Variants in DTD2 observed in about 807,000 individuals in gnomAD.
The protein encoded by DTD2 is D-aminoacyl-tRNA deacylase 2, also known as D-tyrosyl-tRNA deacylase 2 (putative).
In DTD2, 12 loss-of-function variants were observed where a neutral mutation model predicts 15.5. The observed-to-expected ratio is 0.77, with a 90% confidence interval of 0.50 to 1.25. DTD2 has a LOEUF of 1.25. Ranked by LOEUF, DTD2 falls within the 50% of genes most tolerant of loss-of-function variation. DTD2 has a pLI of 0.00. For missense variants in DTD2, 170 were observed against 201.1 expected, an observed-to-expected ratio of 0.85 and a Z score of 0.93; for synonymous variants, 59 against 77.3, an observed-to-expected ratio of 0.76 and a Z score of 1.24.
chr14:31,447,604 A>C lies in DTD2; in HGVS notation c.*525T>G, dbSNP rs561162696. Reference sequence around the variant, plus strand: ...GGGAGGCCGAGGTGGGCGGATCACGAGGTCAGGAGATCGAGACCATCCTGG... The same window carrying C: ...GGGAGGCCGAGGTGGGCGGATCACGCGGTCAGGAGATCGAGACCATCCTGG... On this transcript the variant is annotated 3_prime_UTR_variant, in exon 3 of 3. Coordinates refer to ENST00000310850, the MANE Select transcript of DTD2 (RefSeq NM_080664.3). The C allele has an allele frequency of 1.3e-5, 2 of 152,012 alleles. No homozygotes were observed. The highest frequency in any genetic ancestry group is 4.8e-5 in the African/African-American group (2 of 41,408). The allele number at this position is 152,012 out of a possible 1,614,324, so 9.4% of individuals were successfully genotyped here. A position where few individuals can be genotyped will look rare whatever the true frequency, so the allele number is the denominator to read the frequency against.
At chr14:31,449,651 T>C (rs182992128) in intron 2 of DTD2, among the ~76,000 whole-genome samples, 1 of 152,280 alleles carries the variant, frequency 6.6e-6, no homozygotes, top group East Asian at 1.9e-4. Context: ...AAGAAGTGTC[T>C]AATATAAATA....
rs1043015539 is a variant in DTD2, at chr14:31,447,988, G to T, written c.*141C>A. ...TGGCAAAGTCATCCAATTAGCAGGTGCAGAGTTATATATGAAACCCAAGAT... is the reference window on the plus strand; with the variant it reads ...TGGCAAAGTCATCCAATTAGCAGGTTCAGAGTTATATATGAAACCCAAGAT... On this transcript the variant is annotated 3_prime_UTR_variant, in exon 3 of 3. Coordinates refer to ENST00000310850, the MANE Select transcript of DTD2 (RefSeq NM_080664.3). 2 of 688,404 alleles carry T rather than the reference G, an allele frequency of 2.9e-6. No individual in the cohort carries two copies. Among genetic ancestry groups the T allele is most frequent in the Non-Finnish European group, 4.8e-6 (2 of 418,860 alleles). 42.6% of individuals were successfully genotyped at this position (688,404 alleles called of 1,614,324 possible).
At chr14:31,449,071 T>A (rs2031998812) in intron 2 of DTD2, among the ~76,000 whole-genome samples, 1 of 152,072 alleles carries the variant, frequency 6.6e-6, no homozygotes. Context: ...TTTTTTGTAT[T>A]TTTAGTAGAG....
intron 1 of DTD2, 66 bp downstream of exon 1, chr14:31,457,217 C>G (rs1187685060): frequency 7.0e-6 from 10 of 1,419,050 alleles, no homozygotes; most frequent in Non-Finnish European, 9.6e-6. Flanking sequence ...GACGAGTCAC[C>G]GAGACAACGC....
At chr14:31,455,080 C>T (rs776615662) in intron 1 of DTD2, among the ~76,000 whole-genome samples, 4 of 152,046 alleles carry the variant, frequency 2.6e-5, no homozygotes, top group Non-Finnish European at 5.9e-5. Flanking sequence ...AAAGGGAAAG[C>T]CTTTAAAATA....
chr14:31,449,650 C>CT (rs774221308), intron 2 of DTD2, among the ~76,000 whole-genome samples: 1 of 152,108 alleles, frequency 6.6e-6, no homozygotes, highest in Non-Finnish European at 1.5e-5. Flanking sequence ...AAAGAAGTGT[C>CT]TAATATAAAT....
Position 31,448,393 on chromosome 14 carries a change from C to A in DTD2, c.243G>T (p.Leu81Phe). Residue 81 changes from leucine to phenylalanine, a missense_variant, in exon 3 of 3, where the codon TTG (leucine) becomes TTT (phenylalanine). Coordinates refer to ENST00000310850, the MANE Select transcript of DTD2 (RefSeq NM_080664.3). The stretch of plus-strand genomic sequence containing the variant: ...TAATAAGAATGTTGCCAGGTAGATC[C>A]AATATAGAGACATGCTTGCCATTTT... ...ETENGKHVSI[L>F]DLPGNILIIP... 1.2e-6 allele frequency: 2 copies of A among 1,614,022 alleles called. No individual in the cohort carries two copies. The highest frequency in any genetic ancestry group is 1.6e-4 in the Middle Eastern group (1 of 6,062).
Position 31,447,953 on chromosome 14 carries a change from T to C in DTD2, c.*176A>G. 1 of 574,678 alleles carries C rather than the reference T, an allele frequency of 1.7e-6. No individual in the cohort carries two copies. Among genetic ancestry groups the C allele is most frequent in the Non-Finnish European group, 3.0e-6 (1 of 331,408 alleles). The allele number at this position is 574,678 out of a possible 1,614,324, so 35.6% of individuals were successfully genotyped here. On this transcript the variant is annotated 3_prime_UTR_variant, in exon 3 of 3. Coordinates refer to ENST00000310850, the MANE Select transcript of DTD2 (RefSeq NM_080664.3). Reference sequence around the variant, plus strand: ...ACAAAAGGTGACTGAGATCCAGAGTTTAGGTGACTTGGCAAAGTCATCCAA... The same window carrying C: ...ACAAAAGGTGACTGAGATCCAGAGTCTAGGTGACTTGGCAAAGTCATCCAA...
intron 1 of DTD2, 73 bp downstream of exon 1, chr14:31,457,210 G>C (rs1174778056): frequency 1.5e-6 from 2 of 1,341,566 alleles, no homozygotes; most frequent in East Asian, 2.6e-5. Flanking sequence ...CAGAGCGGAC[G>C]AGTCACCGAG....
intron 1 of DTD2, among the ~76,000 whole-genome samples, chr14:31,454,844 A>G (rs2032077611): frequency 6.6e-6 from 1 of 152,264 alleles, no homozygotes; most frequent in South Asian, 2.1e-4. Flanking sequence ...CTTACCAGGA[A>G]CAAAAACATT....
rs2031971074 is a variant in DTD2, at chr14:31,447,293, T to A, written c.*836A>T. On this transcript the variant is annotated 3_prime_UTR_variant, in exon 3 of 3. Transcript: ENST00000310850. The stretch of plus-strand genomic sequence containing the variant: ...CCACCACATTTGGCCCTATATTACA[T>A]TTTCATGCATATTATTAAAAGAAAT... 6.6e-6 allele frequency: 1 copy of A among 151,836 alleles called. No individual in the cohort carries two copies. The highest frequency in any genetic ancestry group is 1.5e-5 in the Non-Finnish European group (1 of 67,964). 9.4% of individuals were successfully genotyped at this position (151,836 alleles called of 1,614,324 possible). A position where few individuals can be genotyped will look rare whatever the true frequency, so the allele number is the denominator to read the frequency against.
At chr14:31,455,546 GTC>G (rs1291591607) in intron 1 of DTD2, among the ~76,000 whole-genome samples, 7 of 72,282 alleles carry the variant, frequency 9.7e-5, no homozygotes, top group African/African-American at 4.1e-4. Context: ...GTGAGACTCT[GTC>G]TCAAAAAAAA....
Position 31,448,194 on chromosome 14 carries a change from A to C in DTD2, c.442T>G (p.Tyr148Asp). ...AGCTTTAACACCTGCCTGTTCCCATAAGTGCCATGTTCCACTACAACCCTA... is the reference window on the plus strand; with the variant it reads ...AGCTTTAACACCTGCCTGTTCCCATCAGTGCCATGTTCCACTACAACCCTA... ...EARVVVEHGTYGNRQVLKLDT... is the reference protein window; with the variant it reads ...EARVVVEHGTDGNRQVLKLDT... The change falls in exon 3 of 3, where the codon TAT (tyrosine) becomes GAT (aspartate). Residue 148 changes from tyrosine (Y) to aspartate (D), a missense_variant. Tyr to Asp is a radical substitution (Grantham distance 160, BLOSUM62 -3). Coordinates refer to ENST00000310850, the MANE Select transcript of DTD2 (RefSeq NM_080664.3). The C allele has an allele frequency of 6.2e-7, 1 of 1,614,168 alleles. No homozygotes were observed. The highest frequency in any genetic ancestry group is 8.5e-7 in the Non-Finnish European group (1 of 1,180,026).
At position 31,453,309 on chromosome 14, in the gene DTD2, G is replaced by A. The variant is rs61754291; in HGVS notation, c.147C>T (p.Phe49=). Residue 49 remains phenylalanine, a synonymous_variant, in exon 2 of 3, where the codon TTC becomes TTT. Transcript: ENST00000310850. ...GAAGAAGTTCTTTATCAGCTCCCTT[G>A]AAAAAGCACACGTAGATCACCAGTC... ...QRGLVIYVCF[F]KGADKELLPK... 0.039 allele frequency: 62,586 copies of A among 1,613,520 alleles called. 1,490 individuals carry two copies. Among genetic ancestry groups the A allele is most frequent in the Non-Finnish European group, 0.043 (51,092 of 1,179,636 alleles).
chr14:31,451,147 C>CTTTT (rs1057016355), intron 2 of DTD2, among the ~76,000 whole-genome samples: 2 of 129,950 alleles, frequency 1.5e-5, no homozygotes, highest in African/African-American at 2.9e-5. Context: ...ACATTATGTT[C>CTTTT]TTTTTTTTTT....
At chr14:31,455,550 C>CA (rs1196931988) in intron 1 of DTD2, among the ~76,000 whole-genome samples, 32,690 of 68,722 alleles carry the variant, frequency 0.48, 7,532 homozygotes, top group Non-Finnish European at 0.54. Flanking sequence ...GACTCTGTCT[C>CA]AAAAAAAAAA....
In DTD2 at chr14:31,453,396, A is replaced by C. The variant is rs974890767; in HGVS notation, c.112-52T>G. 3 of 1,515,604 alleles carry C rather than the reference A, an allele frequency of 2.0e-6. No individual in the cohort carries two copies. In the African/African-American group the frequency reaches 4.1e-5, roughly 21 times the overall value. 93.9% of individuals were successfully genotyped at this position (1,515,604 alleles called of 1,614,324 possible). A position where few individuals can be genotyped will look rare whatever the true frequency, so the allele number is the denominator to read the frequency against. ...AGATTACAACAATATCTGTAAAGAT[A>C]CAGGGCTAAATGGGTACAGTTTCAC... On this transcript the variant is annotated intron_variant, in intron 1 of 2. Transcript: ENST00000310850.
Position 31,448,447 on chromosome 14 carries a change from T to C in DTD2, c.189A>G (p.Thr63=). The change falls in exon 3 of 3, where the codon ACA becomes ACG. Residue 63 remains threonine, a synonymous_variant. Coordinates refer to ENST00000310850, the MANE Select transcript of DTD2 (RefSeq NM_080664.3). ...TCTCACTTAATTTCACATTTAACAGTGTATTAACTGGGTGAGGAAGAAAGG... is the reference window on the plus strand; with the variant it reads ...TCTCACTTAATTTCACATTTAACAGCGTATTAACTGGGTGAGGAAGAAAGG... ...DKELLPKMVN[T]LLNVKLSETE... is the part of the protein sequence containing the mutation. 6.3e-7 allele frequency: 1 copy of C among 1,595,780 alleles called. No individual in the cohort carries two copies. The highest frequency in any genetic ancestry group is 1.1e-5 in the South Asian group (1 of 88,074).
In DTD2 at chr14:31,448,455, C is replaced by A. The variant is rs200009799; in HGVS notation, c.182-1G>T. 1.3e-5 allele frequency: 21 copies of A among 1,590,122 alleles called. No individual in the cohort carries two copies. Among genetic ancestry groups the A allele is most frequent in the Non-Finnish European group, 3.4e-6 (4 of 1,168,062 alleles). ...AATTTCACATTTAACAGTGTATTAA[C>A]TGGGTGAGGAAGAAAGGCAAAACAT... On this transcript the variant is annotated splice_acceptor_variant, in intron 2 of 2. Coordinates refer to ENST00000310850, the MANE Select transcript of DTD2 (RefSeq NM_080664.3). LOFTEE classifies it high-confidence loss of function.
Sources: allele counts gnomAD v4.1 joint callset (sites outside exome capture counted in the v4.1 genomes callset), GRCh38; gene constraint gnomAD v4.1.1; transcripts MANE v1.5; gene names NCBI Gene and HGNC (gene_info 2026-07-23, HGNC 2026-07-21).